CPEB3: variants seen among roughly 807,000 people sequenced by gnomAD.
The protein encoded by CPEB3 is cytoplasmic polyadenylation element binding protein 3.
A neutral mutation model predicts 67.2 loss-of-function variants in CPEB3; 20 were observed. The ratio of observed to expected loss-of-function variants is 0.30; its 90% CI spans 0.21 to 0.43. The LOEUF is 0.43. Among genes scored for constraint, CPEB3 ranks in the 20% least tolerant of loss-of-function variants. The pLI, the probability that CPEB3 is intolerant of heterozygous loss-of-function variation, is 1.00. For synonymous variants in CPEB3, 376 were observed against 393.1 expected, an observed-to-expected ratio of 0.96 and a Z score of 0.51; for missense variants, 746 against 968.6, an observed-to-expected ratio of 0.77 and a Z score of 3.05.
chr10:92,098,544 A>C (rs1488468247), intron 7 of CPEB3, among the ~76,000 whole-genome samples: 3 of 152,026 alleles, frequency 2.0e-5, no homozygotes. Flanking sequence ...CAGGTGATTC[A>C]ACCACCTCAG....
chr10:92,137,257 G>T, intron 6 of CPEB3: 1 of 597,518 alleles, frequency 1.7e-6, no homozygotes, highest in Non-Finnish European at 3.0e-6. Flanking sequence ...TGGCTGTATT[G>T]GGGGCACCAA....
At chr10:92,238,305 T>A (rs533174436) in intron 2 of CPEB3, among the ~76,000 whole-genome samples, 1 of 152,326 alleles carries the variant, frequency 6.6e-6, no homozygotes, top group East Asian at 1.9e-4. Context: ...CAACCCAAGA[T>A]GCCCAGGACA....
chr10:92,053,049 G>A (rs950339708), intron 9 of CPEB3, among the ~76,000 whole-genome samples: 1 of 152,226 alleles, frequency 6.6e-6, no homozygotes, highest in Non-Finnish European at 1.5e-5. Flanking sequence ...ACAGCTCCCT[G>A]AGACTAACAC....
intron 6 of CPEB3, among the ~76,000 whole-genome samples, chr10:92,123,915 T>G (rs974100098): frequency 2.0e-5 from 3 of 152,198 alleles, no homozygotes; most frequent in African/African-American, 7.2e-5. Context: ...CCTAGCTGGC[T>G]TCCCATTCCT....
Position 92,052,358 on chromosome 10 carries a change from A to G in CPEB3, c.1951T>C (p.Phe651Leu). 6.2e-7 allele frequency: 1 copy of G among 1,614,216 alleles called. No homozygotes were observed. The highest frequency in any genetic ancestry group is 8.5e-7 in the Non-Finnish European group (1 of 1,180,030). The change falls in exon 10 of 10, where the codon TTC (phenylalanine) becomes CTC (leucine). Residue 651 changes from phenylalanine to leucine, a missense_variant. Transcript: ENST00000265997. ...GTRCGGKFAPFFCANVTCLQY... is the reference protein window; with the variant it reads ...GTRCGGKFAPLFCANVTCLQY... Reference sequence around the variant, plus strand: ...AGACAGGTGACGTTGGCACAGAAGAACGGGGCAAACTTCCCACCACAGCGT... The same window carrying G: ...AGACAGGTGACGTTGGCACAGAAGAGCGGGGCAAACTTCCCACCACAGCGT...
intron 4 of CPEB3, among the ~76,000 whole-genome samples, chr10:92,149,256 C>T (rs555452442): frequency 3.7e-4 from 56 of 152,314 alleles, no homozygotes; most frequent in African/African-American, 1.3e-3. Flanking sequence ...GATATTCTCA[C>T]ATAATCCATC....
At chr10:92,272,298 A>G (rs551331228) in intron 1 of CPEB3, 2 of 152,202 alleles carry the variant, frequency 1.3e-5, no homozygotes, top group East Asian at 3.9e-4. Context: ...TCATTTTTTT[A>G]GCACTTCCTT....
intron 9 of CPEB3, among the ~76,000 whole-genome samples, chr10:92,062,555 CT>C (rs1271562323): frequency 3.3e-5 from 5 of 152,136 alleles, no homozygotes; most frequent in Non-Finnish European, 7.4e-5. Context: ...ATACAAAGTT[CT>C]TTCCTAAAAT....
intron 6 of CPEB3, among the ~76,000 whole-genome samples, chr10:92,121,149 C>G (rs1054197585): frequency 9.9e-5 from 15 of 152,022 alleles, no homozygotes; most frequent in African/African-American, 3.6e-4. Context: ...GCTGGGACTA[C>G]AGGCACGTGC....
At chr10:92,191,670 T>C (rs546152038) in intron 3 of CPEB3, among the ~76,000 whole-genome samples, 4 of 152,324 alleles carry the variant, frequency 2.6e-5, no homozygotes, top group Admixed American at 2.0e-4. Context: ...TCATACAAGA[T>C]GGGCATCCCC....
intron 6 of CPEB3, among the ~76,000 whole-genome samples, chr10:92,126,581 T>A (rs1406495345): frequency 6.6e-6 from 1 of 152,236 alleles, no homozygotes; most frequent in African/African-American, 2.4e-5. Flanking sequence ...TTTCAAATGT[T>A]AAAATGTACC....
At chr10:92,283,761 C>T (rs1404587558) in intron 1 of CPEB3, among the ~76,000 whole-genome samples, 1 of 127,642 alleles carries the variant, frequency 7.8e-6, no homozygotes, top group African/African-American at 2.9e-5. Context: ...AGGTCTCACT[C>T]TGTGGCCCAG....
chr10:92,277,821 G>A (rs1409144331), intron 1 of CPEB3, among the ~76,000 whole-genome samples: 1 of 151,966 alleles, frequency 6.6e-6, no homozygotes, highest in Non-Finnish European at 1.5e-5. Flanking sequence ...AACGCGGGAG[G>A]TGGAGGTTGC....
chr10:92,288,959 C>G (rs1842664686), intron 1 of CPEB3, among the ~76,000 whole-genome samples: 1 of 152,126 alleles, frequency 6.6e-6, no homozygotes, highest in Non-Finnish European at 1.5e-5. Context: ...AATGTTAAGA[C>G]ACCGGGCTGT....
chr10:92,205,555 C>A (rs370507608), intron 2 of CPEB3, among the ~76,000 whole-genome samples: 4 of 142,372 alleles, frequency 2.8e-5, no homozygotes, highest in South Asian at 4.4e-4. Context: ...TAGCTTACTG[C>A]AACCTCTGCC....
chr10:92,275,602 G>A (rs1231395663), intron 1 of CPEB3, among the ~76,000 whole-genome samples: 2 of 152,002 alleles, frequency 1.3e-5, no homozygotes, highest in African/African-American at 4.8e-5. Flanking sequence ...TCAGAGTTGT[G>A]CAACAATCAC....
At position 92,223,957 on chromosome 10, in the gene CPEB3, TAG is replaced by T. The variant is rs1263311188; in HGVS notation, c.1005+15387_1005+15388del. Among the ~76,000 whole-genome samples the T allele has an allele frequency of 2.0e-5, 3 of 152,040 alleles. No homozygotes were observed. The East Asian group carries it at 5.8e-4, about 29-fold the overall frequency. On this transcript the variant is annotated intron_variant, in intron 2 of 9. Coordinates refer to ENST00000265997, the MANE Select transcript of CPEB3 (RefSeq NM_014912.5). The stretch of plus-strand genomic sequence containing the variant: ...AGAGACGGGGTTTCACCATGTTGGC[TAG>T]GTTGGTCTCTTTGGCCAGGTTGGTC...
intron 2 of CPEB3, among the ~76,000 whole-genome samples, chr10:92,204,702 C>G (rs1849693983): frequency 6.6e-6 from 1 of 152,028 alleles, no homozygotes; most frequent in African/African-American, 2.4e-5. Flanking sequence ...CCTTGAATCT[C>G]AAGTTTATTG....
chr10:92,054,686 C>T (rs1203632934), intron 9 of CPEB3, among the ~76,000 whole-genome samples: 2 of 152,188 alleles, frequency 1.3e-5, no homozygotes, highest in Non-Finnish European at 2.9e-5. Context: ...AGGTGATCCA[C>T]CTGCCTTGGC....
Sources: gnomAD v4.1 joint callset for allele counts (sites outside exome capture counted in the v4.1 genomes callset) on GRCh38, gnomAD v4.1.1 for gene constraint, MANE v1.5 for transcripts, NCBI Gene and HGNC (gene_info 2026-07-23, HGNC 2026-07-21) for gene names.